CLTRN: variants seen among roughly 807,000 people sequenced by gnomAD.
CLTRN encodes the protein collectrin, amino acid transport regulator.
Under a neutral mutation model 14.5 loss-of-function variants are expected in CLTRN, and 12 were observed. That is an observed-to-expected ratio of 0.83 (90% CI 0.53 to 1.34). The LOEUF (loss-of-function observed/expected upper bound fraction) is 1.34. Among genes scored for constraint, CLTRN ranks in the 40% most tolerant of loss-of-function variants. The probability of loss-of-function intolerance (pLI) is 0.00; values close to 1 mark genes in which losing one functional copy is unlikely to be tolerated. For synonymous variants in CLTRN, 58 were observed against 56.5 expected, an observed-to-expected ratio of 1.03 and a Z score of -0.12; for missense variants, 154 against 165.1, an observed-to-expected ratio of 0.93 and a Z score of 0.37.
chrX:15,660,804 C>G (rs1236230616), intron 2 of CLTRN, among the ~76,000 whole-genome samples: 1 of 61,772 alleles, frequency 1.6e-5, no homozygotes, highest in African/African-American at 8.6e-5. Flanking sequence ...GAGACCCTGT[C>G]TCCAACAACA....
At chrX:15,656,462 A>C (rs1929364446) in intron 3 of CLTRN, among the ~76,000 whole-genome samples, 1 of 111,558 alleles carries the variant, frequency 9.0e-6, no homozygotes, top group Non-Finnish European at 1.9e-5. Flanking sequence ...ATTAGTAGAT[A>C]AACAATGGTG....
In CLTRN at chrX:15,664,344, T is replaced by C. The variant is rs1254068057; in HGVS notation, c.110A>G (p.Asp37Gly). ...CTCAGGTGCTCCACTTACTGCTTTA[T>C]CTCCCAGAGCTGTTCTGATACTAAG... The part of the protein sequence containing the change: ...VRLSIRTALG[D>G]KAYAWDTNEE... The change falls in exon 2 of 6, where the codon GAT becomes GGT. Residue 37 changes from aspartate to glycine, a missense_variant. Physicochemically the swap from Asp to Gly is moderately conservative, Grantham distance 94. Transcript: ENST00000380342. 2 of 1,188,185 alleles carry C rather than the reference T, an allele frequency of 1.7e-6. No homozygotes were observed. The highest frequency in any genetic ancestry group is 3.5e-5 in the African/African-American group (2 of 56,698).
intron 3 of CLTRN, chrX:15,646,678 T>C: frequency 2.9e-6 from 1 of 341,710 alleles, no homozygotes; most frequent in Non-Finnish European, 5.9e-6. Context: ...CTGAGAGAGA[T>C]GGTTCCCGAG....
intron 5 of CLTRN, among the ~76,000 whole-genome samples, chrX:15,631,218 C>T (rs987379663): frequency 1.8e-5 from 2 of 111,624 alleles, no homozygotes. Flanking sequence ...CATGTAAATT[C>T]CCCCAAAATC....
chrX:15,671,563 T>C (rs2147218966), intron 1 of CLTRN, among the ~76,000 whole-genome samples: 2 of 110,992 alleles, frequency 1.8e-5, no homozygotes, highest in East Asian at 5.7e-4. Flanking sequence ...GAGAGGCTAA[T>C]GAAGATTTCA....
rs1448665825 is a variant in CLTRN, at chrX:15,627,872, G to C, written c.*99C>G. 1.4e-6 allele frequency: 1 copy of C among 730,453 alleles called. No homozygotes were observed. Among genetic ancestry groups the C allele is most frequent in the African/African-American group, 2.2e-5 (1 of 44,973 alleles). 60.2% of individuals were successfully genotyped at this position (730,453 alleles called of 1,213,427 possible). A position where few individuals can be genotyped will look rare whatever the true frequency, so the allele number is the denominator to read the frequency against. On this transcript the variant is annotated 3_prime_UTR_variant, in exon 6 of 6. Coordinates refer to ENST00000380342, the MANE Select transcript of CLTRN (RefSeq NM_020665.6). ...CAAAATTTATTACAAAAGAAGAATGGTGAAACAAAATATATGATCTGCTCT... is the reference window on the plus strand; with the variant it reads ...CAAAATTTATTACAAAAGAAGAATGCTGAAACAAAATATATGATCTGCTCT...
intron 3 of CLTRN, among the ~76,000 whole-genome samples, chrX:15,648,236 T>A (rs1048764845): frequency 7.2e-5 from 8 of 111,859 alleles, no homozygotes; most frequent in Non-Finnish European, 1.3e-4. Flanking sequence ...GTAAATATAG[T>A]ATATGCTGTC....
At chrX:15,667,694 A>G (rs1929648835), upstream of CLTRN, among the ~76,000 whole-genome samples, 1 of 111,534 alleles carries the variant, frequency 9.0e-6, no homozygotes, top group Non-Finnish European at 1.9e-5. Flanking sequence ...ATCTTTGTTG[A>G]ACTTAACTGT....
chrX:15,657,332 A>C (rs1428910220), intron 3 of CLTRN, among the ~76,000 whole-genome samples: 1 of 112,477 alleles, frequency 8.9e-6, no homozygotes, highest in African/African-American at 3.2e-5. Context: ...ACAACCTTTC[A>C]AATAAACCGG....
intron 3 of CLTRN, among the ~76,000 whole-genome samples, chrX:15,658,310 G>A (rs1203315317): frequency 2.7e-5 from 3 of 112,533 alleles, no homozygotes; most frequent in African/African-American, 9.7e-5. Context: ...ACCTGTGCAT[G>A]CAGGGCCTGG....
rs1163628406 is a variant in CLTRN, at chrX:15,656,249, A to G, written c.203+2767T>C. Among the ~76,000 whole-genome samples, 5 of 112,048 alleles carry G rather than the reference A, an allele frequency of 4.5e-5. No homozygotes were observed. In the East Asian group the frequency reaches 1.4e-3, roughly 31 times the overall value. ...AGTATATGCCAATTGTACGTTTCCA[A>G]ATAGGAAGAGGCATGCTCAGGAGAC... On this transcript the variant is annotated intron_variant, in intron 3 of 5. Coordinates refer to ENST00000380342, the MANE Select transcript of CLTRN (RefSeq NM_020665.6).
intron 3 of CLTRN, among the ~76,000 whole-genome samples, chrX:15,647,316 C>G (rs896537652): frequency 3.6e-5 from 4 of 111,587 alleles, no homozygotes; most frequent in African/African-American, 1.3e-4. Flanking sequence ...TCTCCTCTCC[C>G]TTAAAGCCCT....
intron 1 of CLTRN, among the ~76,000 whole-genome samples, chrX:15,674,033 A>G (rs1208344235): frequency 8.9e-6 from 1 of 112,238 alleles, no homozygotes; most frequent in African/African-American, 3.2e-5. Flanking sequence ...TGTGCCATCT[A>G]AACTTGAGTT....
At chrX:15,664,224 T>C in intron 2 of CLTRN, 113 bp downstream of exon 2, 1 of 497,961 alleles carries the variant, frequency 2.0e-6, no homozygotes, top group Non-Finnish European at 3.3e-6. Flanking sequence ...TTGAGGTCTT[T>C]AGAAATAATT....
At position 15,658,493 on chromosome X, in the gene CLTRN, G is replaced by A. The variant is rs770917464; in HGVS notation, c.203+523C>T. Reference sequence around the variant, plus strand: ...AAGGGAATAGAGAAAGACCAGGAATGTTACCCTCATCACAAATAGAGAAAG... The same window carrying A: ...AAGGGAATAGAGAAAGACCAGGAATATTACCCTCATCACAAATAGAGAAAG... On this transcript the variant is annotated intron_variant, in intron 3 of 5. Transcript: ENST00000380342. Among the ~76,000 whole-genome samples the A allele has an allele frequency of 3.6e-5, 4 of 112,136 alleles. No homozygotes were observed. The East Asian group carries it at 1.1e-3, about 31-fold the overall frequency.
chrX:15,651,823 C>T (rs187367560), intron 3 of CLTRN, among the ~76,000 whole-genome samples: 209 of 111,349 alleles, frequency 1.9e-3, no homozygotes, highest in African/African-American at 6.4e-3. Flanking sequence ...CCCAGAGAGA[C>T]AAACTGAGGA....
chrX:15,646,881 CT>C (rs1281581220), intron 3 of CLTRN: 4 of 291,959 alleles, frequency 1.4e-5, no homozygotes, highest in African/African-American at 1.1e-4. Context: ...GGCCATCTGC[CT>C]TCGGGTCTGT....
chrX:15,650,637 C>G (rs936575466), intron 3 of CLTRN, among the ~76,000 whole-genome samples: 2 of 112,154 alleles, frequency 1.8e-5, no homozygotes, highest in African/African-American at 3.2e-5. Flanking sequence ...TGGTCTTCTT[C>G]AACAGGACAA....
At chrX:15,672,308 T>C (rs1252120498) in intron 1 of CLTRN, among the ~76,000 whole-genome samples, 2 of 112,174 alleles carry the variant, frequency 1.8e-5, no homozygotes, top group East Asian at 2.8e-4. Flanking sequence ...CAGGTTTAGC[T>C]GGTTCCACTG....
Sources: gnomAD v4.1 joint callset for allele counts (sites outside exome capture counted in the v4.1 genomes callset) on GRCh38, gnomAD v4.1.1 for gene constraint, MANE v1.5 for transcripts, NCBI Gene and HGNC (gene_info 2026-07-23, HGNC 2026-07-21) for gene names.